Variants in DNAH3 observed in about 807,000 individuals in gnomAD.
DNAH3 encodes the protein axonemal beta dynein heavy chain 3.
A neutral mutation model predicts 432.5 loss-of-function variants in DNAH3; 332 were observed. The observed-to-expected ratio is 0.77, with a 90% CI of 0.70 to 0.84. DNAH3 has a LOEUF of 0.84. Among genes scored for constraint, DNAH3 ranks in the 40% least tolerant of loss-of-function variants. The pLI is 0.00. For synonymous variants in DNAH3, 1,956 were observed against 1,900.2 expected (o/e 1.03, Z -0.76); for missense variants, 4,861 against 5,114.0 (o/e 0.95, Z 1.51).
At chr16:21,042,195 C>G in exon 32 of DNAH3, 1 of 1,601,078 alleles carries the variant, frequency 6.2e-7, no homozygotes. Flanking sequence ...CCACAGACAG[C>G]ACTTCTACCT....
chr16:21,067,772 G>GGGGGGGAGGGAGGGAGGGAGAGAGAGA (rs1555545837), intron 23 of DNAH3, among the ~76,000 whole-genome samples: 1 of 23,718 alleles, frequency 4.2e-5, no homozygotes, highest in African/African-American at 2.3e-4. Context: ...GGGGGGGTGG[G>GGGGGGGAGGGAGGGAGGGAGAGAGAGA]GAGGGAGAGA....
chr16:21,070,353 G>A (rs1326320238), intron 22 of DNAH3, among the ~76,000 whole-genome samples: 1 of 152,038 alleles, frequency 6.6e-6, no homozygotes, highest in African/African-American at 2.4e-5. Flanking sequence ...CGCGATCTCG[G>A]CTCACTGCAA....
intron 16 of DNAH3, among the ~76,000 whole-genome samples, chr16:21,099,243 T>A (rs954114916): frequency 5.3e-5 from 8 of 151,228 alleles, no homozygotes; most frequent in African/African-American, 2.0e-4. Context: ...CATGGATGGA[T>A]GGATGGATGG....
chr16:20,985,377 T>C, exon 48 of DNAH3: 2 of 1,614,200 alleles, frequency 1.2e-6, no homozygotes, highest in Non-Finnish European at 1.7e-6. Flanking sequence ...CAATCTGGTA[T>C]AGCTCGTATG....
chr16:21,099,830 T>C (rs1345205083), intron 16 of DNAH3, among the ~76,000 whole-genome samples: 1 of 152,216 alleles, frequency 6.6e-6, no homozygotes, highest in Non-Finnish European at 1.5e-5. Context: ...ATTTATTAAT[T>C]TTTACCCAGC....
chr16:21,053,825 T>TTCCTCC (rs369644795), intron 28 of DNAH3, among the ~76,000 whole-genome samples: 6 of 151,208 alleles, frequency 4.0e-5, no homozygotes, highest in East Asian at 2.0e-4. Flanking sequence ...ACCCCAGTTT[T>TTCCTCC]TCCTCCTCCT....
At chr16:21,154,676 A>G (rs1485127575) in intron 1 of DNAH3, among the ~76,000 whole-genome samples, 1 of 152,194 alleles carries the variant, frequency 6.6e-6, no homozygotes, top group Non-Finnish European at 1.5e-5. Flanking sequence ...GATTGAGGAA[A>G]CTGATACATT....
chr16:21,069,246 A>G (rs568121510), intron 23 of DNAH3, among the ~76,000 whole-genome samples, 169 bp downstream of exon 23: 17 of 152,176 alleles, frequency 1.1e-4, no homozygotes, highest in Non-Finnish European at 1.9e-4. Flanking sequence ...CACTGGTCAT[A>G]TGTTTGCATT....
exon 38 of DNAH3, chr16:21,027,043 G>C (rs770092715): frequency 1.2e-6 from 2 of 1,613,312 alleles, no homozygotes; most frequent in African/African-American, 2.7e-5. Flanking sequence ...ACAGTGGCTG[G>C]AGAGGCTTGC....
At chr16:21,111,754 G>C in exon 14 of DNAH3, 1 of 1,613,956 alleles carries the variant, frequency 6.2e-7, no homozygotes, top group Non-Finnish European at 8.5e-7. Flanking sequence ...AAGGCACGGT[G>C]ATGTTCATGG....
Position 20,987,423 on chromosome 16 carries a change from C to T in DNAH3, c.6908G>A (p.Trp2303Ter), listed in dbSNP as rs1567589236. Residue 2303 changes from tryptophan (W) to a stop codon, truncating the protein, a stop_gained, in exon 47 of 62, where the codon TGG (tryptophan) becomes TAG (stop). Transcript: ENST00000261383. LOFTEE classifies it high-confidence loss of function. ...GAAGACCCGATAAACCTCATGGATC[C>T]AAAGCCGGATACATTTTTCTACATC... 7 of 1,614,080 alleles carry T rather than the reference C, an allele frequency of 4.3e-6. No individual in the cohort carries two copies. Among genetic ancestry groups the T allele is most frequent in the Non-Finnish European group, 5.9e-6 (7 of 1,180,028 alleles).
intron 42 of DNAH3, among the ~76,000 whole-genome samples, chr16:21,001,802 G>A (rs902662188): frequency 1.3e-5 from 2 of 152,158 alleles, no homozygotes; most frequent in Admixed American, 6.5e-5. Context: ...TTCAAGATGC[G>A]TATTTTGCTA....
At chr16:21,042,969 G>A (rs330147) in intron 31 of DNAH3, among the ~76,000 whole-genome samples, 74,736 of 151,532 alleles carry the variant, frequency 0.49, 18,608 homozygotes, top group African/African-American at 0.57. Context: ...ATGATTTCCA[G>A]TTTCATCCAT....
exon 36 of DNAH3, chr16:21,034,047 A>C (rs2112494): frequency 1.9e-6 from 3 of 1,612,784 alleles, no homozygotes; most frequent in Non-Finnish European, 2.5e-6. Context: ...GGTCTCCTAC[A>C]ATCATATAGC....
At position 21,147,689 on chromosome 16, in the gene DNAH3, C is replaced by T. The variant is rs185066059; in HGVS notation, c.118-1601G>A. Among the ~76,000 whole-genome samples, 6 of 152,326 alleles carry T rather than the reference C, an allele frequency of 3.9e-5. No individual in the cohort carries two copies. The East Asian group carries it at 1.2e-3, about 29-fold the overall frequency. On this transcript the variant is annotated intron_variant, in intron 1 of 61. Coordinates refer to ENST00000261383, the Ensembl canonical transcript of DNAH3. ...AGTACTCCATTCCAACCAGTGAGTGCATACTGTGGAGTGAGCCTCAGGTAA... is the reference window on the plus strand; with the variant it reads ...AGTACTCCATTCCAACCAGTGAGTGTATACTGTGGAGTGAGCCTCAGGTAA...
At chr16:20,995,055 C>A (rs900097256) in intron 44 of DNAH3, among the ~76,000 whole-genome samples, 1 of 152,076 alleles carries the variant, frequency 6.6e-6, no homozygotes, top group Non-Finnish European at 1.5e-5. Context: ...CCTGCCTCAG[C>A]CCCCTAAGTA....
intron 44 of DNAH3, among the ~76,000 whole-genome samples, chr16:20,990,871 A>C (rs2152680791): frequency 6.6e-6 from 1 of 152,108 alleles, no homozygotes; most frequent in Non-Finnish European, 1.5e-5. Flanking sequence ...AAATACAAAA[A>C]TTAGCCAGGC....
At chr16:21,118,946 T>G (rs1031373835) in intron 11 of DNAH3, among the ~76,000 whole-genome samples, 1 of 152,146 alleles carries the variant, frequency 6.6e-6, no homozygotes, top group Non-Finnish European at 1.5e-5. Context: ...CTTCAGAGTG[T>G]TTCAGTGAGT....
At position 21,031,124 on chromosome 16, in the gene DNAH3, C is replaced by T. The variant is rs141137569; in HGVS notation, c.5360G>A (p.Arg1787His). 120 of 1,614,080 alleles carry T rather than the reference C, an allele frequency of 7.4e-5. No homozygotes were observed. The African/African-American group carries it at 9.2e-4, about 12-fold the overall frequency. ...TGGCCCATCAAATATAATCCACTTG[C>T]GATCATCAGAGAGTGAAGACGCTTG... Residue 1787 changes from arginine (R) to histidine (H), a missense_variant, in exon 37 of 62, where the codon CGC becomes CAC. Arg to His is a conservative substitution (Grantham distance 29, BLOSUM62 0). Coordinates refer to ENST00000261383, the Ensembl canonical transcript of DNAH3.
Sources: gnomAD v4.1 joint callset for allele counts (sites outside exome capture counted in the v4.1 genomes callset) on GRCh38, gnomAD v4.1.1 for gene constraint, MANE v1.5 for transcripts, NCBI Gene and HGNC (gene_info 2026-07-23, HGNC 2026-07-21) for gene names.